The following ARPC2 variants were observed in gnomAD, a reference collection of about 807,000 sequenced individuals.
ARPC2 encodes the protein actin-related protein 2/3 complex subunit 2.
A neutral mutation model predicts 38.6 loss-of-function variants in ARPC2; 4 were observed. The observed-to-expected ratio is 0.10, with a 90% confidence interval of 0.05 to 0.24. The LOEUF (loss-of-function observed/expected upper bound fraction) is 0.24. Among genes scored for constraint, ARPC2 ranks in the 10% least tolerant of loss-of-function variants. The pLI is 1.00. For missense variants in ARPC2, 229 were observed against 387.3 expected (o/e 0.59, Z 3.43); for synonymous variants, 125 against 140.8 (o/e 0.89, Z 0.79).
At chr2:218,252,416 G>GCT (rs1690213777) in intron 10 of ARPC2, among the ~76,000 whole-genome samples, 1 of 152,178 alleles carries the variant, frequency 6.6e-6, no homozygotes, top group African/African-American at 2.4e-5. Flanking sequence ...GGATGTGCTT[G>GCT]CTGCCTCTCC....
intron 8 of ARPC2, among the ~76,000 whole-genome samples, chr2:218,246,544 A>G (rs1002014730): frequency 6.6e-6 from 1 of 151,984 alleles, no homozygotes; most frequent in African/African-American, 2.4e-5. Context: ...AGAAAAAAGA[A>G]AAGAGTAAAG....
chr2:218,227,681 C>G (rs556285843), intron 3 of ARPC2, among the ~76,000 whole-genome samples: 10 of 152,218 alleles, frequency 6.6e-5, no homozygotes, highest in South Asian at 2.1e-4. Context: ...ACCTCCACCC[C>G]CCGGGTTCAA....
Position 218,225,932 on chromosome 2 carries a change from A to G in ARPC2, c.87A>G (p.Glu29=). ...FENAAAGNKP[E]AVEVTFADFD... Reference sequence around the variant, plus strand: ...TTGTTGTTTACAGAAACAAACCGGAAGCAGTAGAAGTAACATTTGCAGGTA... The same window carrying G: ...TTGTTGTTTACAGAAACAAACCGGAGGCAGTAGAAGTAACATTTGCAGGTA... Residue 29 remains glutamate (E), a synonymous_variant, in exon 3 of 11, where the codon GAA becomes GAG. Transcript: ENST00000315717. The G allele has an allele frequency of 6.2e-7, 1 of 1,613,774 alleles. No homozygotes were observed. The highest frequency in any genetic ancestry group is 8.5e-7 in the Non-Finnish European group (1 of 1,179,738).
chr2:218,228,447 C>T (rs1370488291), intron 3 of ARPC2, among the ~76,000 whole-genome samples: 1 of 151,794 alleles, frequency 6.6e-6, no homozygotes, highest in East Asian at 1.9e-4. Flanking sequence ...GATGAGAGTT[C>T]ATTATACTGT....
chr2:218,245,654 G>A, intron 8 of ARPC2, 108 bp downstream of exon 8: 1 of 1,451,318 alleles, frequency 6.9e-7, no homozygotes, highest in Non-Finnish European at 9.4e-7. Flanking sequence ...GGCAAACGCA[G>A]GCATACCAAC....
chr2:218,236,969 A>G lies in ARPC2; in HGVS notation c.269-1695A>G, dbSNP rs186029855. 2.1e-3 allele frequency among the ~76,000 whole-genome samples: 319 copies of G among 152,292 alleles called. 2 individuals are homozygous for G. Among genetic ancestry groups the G allele is most frequent in the African/African-American group, 7.0e-3 (291 of 41,570 alleles). On this transcript the variant is annotated intron_variant, in intron 5 of 10. Transcript: ENST00000315717. ...GAAATATTCTTGCAAAAACATCTCT[A>G]GGCAGTTTGACACTTATTAATCATT... is the stretch of plus-strand genomic sequence containing the variant.
At chr2:218,220,256 T>C (rs533494795) in intron 2 of ARPC2, among the ~76,000 whole-genome samples, 1 of 152,286 alleles carries the variant, frequency 6.6e-6, no homozygotes, top group South Asian at 2.1e-4. Context: ...TTTGCACTTC[T>C]CAGAATAAAC....
chr2:218,220,278 A>G (rs540855461), intron 2 of ARPC2, among the ~76,000 whole-genome samples: 1 of 152,184 alleles, frequency 6.6e-6, no homozygotes, highest in Non-Finnish European at 1.5e-5. Flanking sequence ...GATGGGGGAA[A>G]TTACAGTTCG....
chr2:218,231,231 T>TAG (rs397793674), intron 4 of ARPC2, among the ~76,000 whole-genome samples: 1 of 150,444 alleles, frequency 6.6e-6, no homozygotes, highest in African/African-American at 2.4e-5. Context: ...CCTGGTGTCA[T>TAG]TGGGAGAGGG....
rs1404910498 is a variant in ARPC2 at position 218,230,276 on chromosome 2, C to CTTTTTTTTT, written c.222+1428_222+1436dup. 1.8e-4 allele frequency among the ~76,000 whole-genome samples: 20 copies of CTTTTTTTTT among 112,440 alleles called. 1 individual carries two copies. Among genetic ancestry groups the CTTTTTTTTT allele is most frequent in the African/African-American group, 6.5e-4 (20 of 30,724 alleles). 73.8% of individuals were successfully genotyped at this position (112,440 alleles called of 152,430 possible). A position where few individuals can be genotyped will look rare whatever the true frequency, so the allele number is the denominator to read the frequency against. Reference sequence around the variant, plus strand: ...TGTGAGCCACCGTGCCCAGCCTTTTCTTTTTTTTTTCTTTTTTTTTTTTTT... The same window carrying CTTTTTTTTT: ...TGTGAGCCACCGTGCCCAGCCTTTTCTTTTTTTTTTTTTTTTTTTCTTTTTTTTTTTTTT... On this transcript the variant is annotated intron_variant, in intron 4 of 10. Transcript: ENST00000315717.
intron 7 of ARPC2, among the ~76,000 whole-genome samples, chr2:218,243,660 C>G (rs185686234): frequency 5.4e-4 from 82 of 152,304 alleles, no homozygotes; most frequent in African/African-American, 1.9e-3. Context: ...CCTGTAATCT[C>G]AGCTACTCGT....
intron 2 of ARPC2, among the ~76,000 whole-genome samples, chr2:218,222,276 G>GA (rs1689400194): frequency 6.6e-6 from 1 of 151,402 alleles, no homozygotes; most frequent in African/African-American, 2.4e-5. Flanking sequence ...CAAGAAAAAA[G>GA]AAAAAAATGG....
chr2:218,234,505 T>A (rs1395815392), intron 5 of ARPC2, 108 bp downstream of exon 5: 1 of 937,396 alleles, frequency 1.1e-6, no homozygotes, highest in Non-Finnish European at 1.6e-6. Flanking sequence ...TTACAAATAT[T>A]TCTGCATGAG....
intron 2 of ARPC2, 75 bp from the exon 3 acceptor site, chr2:218,225,845 G>A: frequency 7.1e-7 from 1 of 1,410,148 alleles, no homozygotes; most frequent in Non-Finnish European, 1.0e-6. Context: ...TGAAGCTCAG[G>A]TGCCTTTCCA....
chr2:218,228,974 G>T (rs375920851), intron 4 of ARPC2, 124 bp downstream of exon 4: 1 of 605,230 alleles, frequency 1.7e-6, no homozygotes, highest in Admixed American at 3.1e-5. Flanking sequence ...CTAACTAGGG[G>T]CTCTTGACTT....
chr2:218,250,179 C>G (rs1285893878), intron 10 of ARPC2, among the ~76,000 whole-genome samples: 6 of 152,170 alleles, frequency 3.9e-5, no homozygotes, highest in Non-Finnish European at 8.8e-5. Flanking sequence ...AGAGACTGTT[C>G]TTTTTGGGCC....
At chr2:218,225,891 T>C in intron 2 of ARPC2, 29 bp from the exon 3 acceptor site, 1 of 1,612,584 alleles carries the variant, frequency 6.2e-7, no homozygotes, top group East Asian at 2.2e-5. Flanking sequence ...ACAGTCATCT[T>C]AACTGAGGAC....
chr2:218,223,839 G>C (rs1418747812), intron 2 of ARPC2, among the ~76,000 whole-genome samples: 1 of 152,170 alleles, frequency 6.6e-6, no homozygotes, highest in Non-Finnish European at 1.5e-5. Flanking sequence ...CTTTTCCTGG[G>C]CCAGTCTTCC....
At chr2:218,250,036 C>T (rs913028310) in intron 10 of ARPC2, 115 bp downstream of exon 10, 2 of 860,624 alleles carry the variant, frequency 2.3e-6, no homozygotes, top group East Asian at 2.7e-5. Flanking sequence ...CATATGAGGT[C>T]AGCAGGGCTA....
Sources: allele counts gnomAD v4.1 joint callset (sites outside exome capture counted in the v4.1 genomes callset), GRCh38; gene constraint gnomAD v4.1.1; transcripts MANE v1.5; gene names NCBI Gene and HGNC (gene_info 2026-07-23, HGNC 2026-07-21).